The following ZNF385D variants were observed in gnomAD, a reference collection of about 807,000 sequenced individuals.
ZNF385D encodes the protein zinc finger protein 385D.
ZNF385D carries 15 observed loss-of-function variants against 35.8 expected under a neutral mutation model. The observed-to-expected ratio is 0.42, with a 90% confidence interval of 0.28 to 0.64. ZNF385D has a LOEUF of 0.64. Among genes scored for constraint, ZNF385D ranks in the 30% least tolerant of loss-of-function variants. The pLI is 0.23. For missense variants in ZNF385D, 474 were observed against 494.6 expected (o/e 0.96, Z 0.39); for synonymous variants, 212 against 186.8 (o/e 1.13, Z -1.10).
intron 3 of ZNF385D, among the ~76,000 whole-genome samples, chr3:21,893,477 G>A (rs1043621476): frequency 1.3e-5 from 2 of 152,098 alleles, no homozygotes; most frequent in African/African-American, 4.8e-5. Flanking sequence ...GCAAAGATGA[G>A]TCATGATCTC....
chr3:22,007,745 T>C (rs997920046), intron 3 of ZNF385D, among the ~76,000 whole-genome samples: 1 of 152,106 alleles, frequency 6.6e-6, no homozygotes, highest in Non-Finnish European at 1.5e-5. Context: ...TTAATAATCA[T>C]CACTTGTATA....
chr3:22,332,165 T>G (rs1694968505), intron 2 of ZNF385D, among the ~76,000 whole-genome samples: 1 of 152,206 alleles, frequency 6.6e-6, no homozygotes, highest in Admixed American at 6.5e-5. Context: ...CTGGTTGTTT[T>G]ATGCAGGATG....
chr3:21,882,689 G>A (rs1023810958), intron 3 of ZNF385D, among the ~76,000 whole-genome samples: 2 of 151,942 alleles, frequency 1.3e-5, no homozygotes, highest in Non-Finnish European at 2.9e-5. Flanking sequence ...AGTTTGAGAA[G>A]CAATGCTCCC....
chr3:21,955,800 A>G (rs1576003004), intron 3 of ZNF385D, among the ~76,000 whole-genome samples: 1 of 152,254 alleles, frequency 6.6e-6, no homozygotes. Flanking sequence ...ATACTGGCAC[A>G]TGCTAAGTAC....
rs970905810 is a variant in ZNF385D, at chr3:21,914,893, T to G, written c.326-249865A>C. The stretch of plus-strand genomic sequence containing the variant: ...ACTTTGATGTTTAGCCAAGACAGAT[T>G]TGGACACTAAAAAAATGGCAAAAAA... On this transcript the variant is annotated intron_variant, in intron 3 of 5. Transcript: ENST00000494108. 2.6e-5 allele frequency among the ~76,000 whole-genome samples: 4 copies of G among 151,818 alleles called. No individual in the cohort carries two copies. The East Asian group carries it at 5.8e-4, about 22-fold the overall frequency.
chr3:22,201,716 T>C (rs1488523081), intron 2 of ZNF385D, among the ~76,000 whole-genome samples: 1 of 151,998 alleles, frequency 6.6e-6, no homozygotes, highest in Non-Finnish European at 1.5e-5. Context: ...ATATTTGTAA[T>C]ACTGTTATTA....
intron 3 of ZNF385D, among the ~76,000 whole-genome samples, chr3:22,119,428 T>C (rs1242326730): frequency 6.6e-6 from 1 of 152,150 alleles, no homozygotes; most frequent in Admixed American, 6.6e-5. Flanking sequence ...TTAGACATAA[T>C]TTGTTGGGGG....
intron 3 of ZNF385D, among the ~76,000 whole-genome samples, chr3:21,813,383 G>C (rs7431024): frequency 0.79 from 119,795 of 152,066 alleles, 47,583 homozygotes; most frequent in Middle Eastern, 0.86. Flanking sequence ...CCTCAGAAGA[G>C]TGGTAATAAC....
chr3:21,762,333 T>A (rs2070654762), intron 3 of ZNF385D, among the ~76,000 whole-genome samples: 1 of 152,124 alleles, frequency 6.6e-6, no homozygotes. Context: ...CCAATACCAT[T>A]TCTCTATGCC....
At chr3:22,290,136 A>C (rs1191697107) in intron 2 of ZNF385D, among the ~76,000 whole-genome samples, 1 of 152,172 alleles carries the variant, frequency 6.6e-6, no homozygotes, top group Admixed American at 6.5e-5. Context: ...AGGTGGATTA[A>C]GAGCCAAATT....
At chr3:21,471,356 T>C (rs962675789) in intron 4 of ZNF385D, among the ~76,000 whole-genome samples, 2 of 150,002 alleles carry the variant, frequency 1.3e-5, no homozygotes, top group Admixed American at 1.3e-4. Flanking sequence ...GGCTGTTTTT[T>C]ACTACTACTT....
intron 2 of ZNF385D, among the ~76,000 whole-genome samples, chr3:22,321,153 C>G (rs1169395276): frequency 4.1e-5 from 5 of 121,902 alleles, no homozygotes; most frequent in Non-Finnish European, 8.3e-5. Context: ...GATAGTAACA[C>G]TTATGACCTT....
intron 2 of ZNF385D, among the ~76,000 whole-genome samples, chr3:22,365,024 G>A (rs1696588044): frequency 6.6e-6 from 1 of 151,998 alleles, no homozygotes; most frequent in African/African-American, 2.4e-5. Context: ...ACTTACATGA[G>A]GTACTTAAAG....
chr3:21,922,690 A>G (rs916007194), intron 3 of ZNF385D, among the ~76,000 whole-genome samples: 1 of 152,218 alleles, frequency 6.6e-6, no homozygotes. Flanking sequence ...GAATCCGAGA[A>G]GAAAACCTAG....
rs1290686690 is a variant in ZNF385D, at chr3:21,880,343, T to C, written c.326-215315A>G. On this transcript the variant is annotated intron_variant, in intron 3 of 5. Transcript: ENST00000494108. ...TATTGGCACCATTTTTCCAACAGCA[T>C]GTGCTCACTTCGTGTTTCTGTCACA... is the stretch of plus-strand genomic sequence containing the variant. Among the ~76,000 whole-genome samples the C allele has an allele frequency of 2.0e-5, 3 of 152,044 alleles. No individual in the cohort carries two copies. The South Asian group carries it at 6.2e-4, about 32-fold the overall frequency.
At chr3:21,678,859 T>G (rs906933428) in intron 1 of ZNF385D, among the ~76,000 whole-genome samples, 5 of 152,138 alleles carry the variant, frequency 3.3e-5, no homozygotes, top group African/African-American at 1.2e-4. Context: ...ATCAGTGTCA[T>G]TATGACCTTT....
chr3:22,066,025 C>T (rs922817123), intron 3 of ZNF385D, among the ~76,000 whole-genome samples: 4 of 151,750 alleles, frequency 2.6e-5, no homozygotes, highest in African/African-American at 4.8e-5. Context: ...AAAATAAGAC[C>T]GTTCTTACAA....
chr3:22,277,838 G>A lies in ZNF385D; in HGVS notation c.106+94612C>T, dbSNP rs116836262. ...GCTAAGCATTACATGATGAAAGAGC[G>A]AGGATATTTAAGGCATGTGGGAAGG... On this transcript the variant is annotated intron_variant, in intron 2 of 5. Coordinates refer to the ZNF385D transcript ENST00000494108. Among the ~76,000 whole-genome samples the A allele has an allele frequency of 7.3e-3, 1,112 of 152,164 alleles. 15 individuals carry two copies. Among genetic ancestry groups the A allele is most frequent in the African/African-American group, 0.025 (1,038 of 41,538 alleles).
intron 3 of ZNF385D, among the ~76,000 whole-genome samples, chr3:22,104,772 T>C (rs1250340545): frequency 6.6e-6 from 1 of 152,120 alleles, no homozygotes; most frequent in Admixed American, 6.6e-5. Flanking sequence ...CTAGTAAATA[T>C]GAATCATATT....
Sources: allele counts gnomAD v4.1 joint callset (sites outside exome capture counted in the v4.1 genomes callset), GRCh38; gene constraint gnomAD v4.1.1; transcripts MANE v1.5; gene names NCBI Gene and HGNC (gene_info 2026-07-23, HGNC 2026-07-21).